SLC7A7: variants seen among roughly 807,000 people sequenced by gnomAD.
SLC7A7 encodes the protein solute carrier family 7 member 7, also known as Y+L amino acid transporter 1.
SLC7A7 carries 39 observed loss-of-function variants against 47.9 expected under a neutral mutation model. That is an observed-to-expected ratio of 0.81 (90% CI 0.63 to 1.06). The LOEUF is 1.06. Among genes scored for constraint, SLC7A7 ranks in the 50% least tolerant of loss-of-function variants. SLC7A7 has a pLI of 0.00. For synonymous variants in SLC7A7, 234 were observed against 242.8 expected (o/e 0.96, Z 0.34); for missense variants, 588 against 632.0 (o/e 0.93, Z 0.75).
Position 22,775,954 on chromosome 14 carries a change from A to G in SLC7A7, c.895-18T>C. 1 of 1,587,254 alleles carries G rather than the reference A, an allele frequency of 6.3e-7. No individual in the cohort carries two copies. Among genetic ancestry groups the G allele is most frequent in the Non-Finnish European group, 8.7e-7 (1 of 1,155,282 alleles). ...GCAAAAGTCTAAGGGAAAAGAATGG[A>G]AGAGTCATTAGCAGGATCTAAAAGG... On this transcript the variant is annotated intron_variant, in intron 5 of 9. Transcript: ENST00000674313.
intron 7 of SLC7A7, 54 bp downstream of exon 7, chr14:22,775,390 T>TTAA: frequency 7.3e-7 from 1 of 1,366,630 alleles, no homozygotes; most frequent in Non-Finnish European, 1.0e-6. Flanking sequence ...CTTCTGCTGT[T>TTAA]ACTAAAGTTT....
chr14:22,807,884 G>A (rs947813268), intron 2 of SLC7A7, among the ~76,000 whole-genome samples: 10 of 152,082 alleles, frequency 6.6e-5, no homozygotes, highest in African/African-American at 2.2e-4. Flanking sequence ...CATTTAGGTC[G>A]GGCGTGGTAG....
At chr14:22,775,312 A>G in intron 7 of SLC7A7, 132 bp downstream of exon 7, 1 of 821,408 alleles carries the variant, frequency 1.2e-6, no homozygotes, top group Non-Finnish European at 2.1e-6. Flanking sequence ...GCCCGTGGTG[A>G]ACATTCTGAT....
chr14:22,809,138 C>T (rs911723917), intron 2 of SLC7A7, among the ~76,000 whole-genome samples: 5 of 152,196 alleles, frequency 3.3e-5, no homozygotes, highest in Non-Finnish European at 5.9e-5. Flanking sequence ...GCTCTGCATA[C>T]GAACCATAAC....
Position 22,774,039 on chromosome 14 carries a change from G to A in SLC7A7, c.1323C>T (p.Ile441=), listed in dbSNP as rs1423641169. The change falls in exon 9 of 10, where the codon ATC becomes ATT. Residue 441 remains isoleucine (I), a synonymous_variant. Transcript: ENST00000674313. ...CAATGGCAATGCCGATGAGGGAGTT[G>A]ATAGTATCACTGTAAAGTGGAACAG... ...LVAVPLYSDT[I]NSLIGIAIAL... is the part of the protein sequence containing the mutation. 2 of 1,614,168 alleles carry A rather than the reference G, an allele frequency of 1.2e-6. No individual in the cohort carries two copies. Among genetic ancestry groups the A allele is most frequent in the South Asian group, 1.1e-5 (1 of 91,084 alleles).
At chr14:22,813,591 C>G (rs893549515) in intron 1 of SLC7A7, among the ~76,000 whole-genome samples, 151 bp from the exon 2 acceptor site, 7 of 152,132 alleles carry the variant, frequency 4.6e-5, no homozygotes, top group Non-Finnish European at 1.5e-5. Context: ...TCAAAACAAC[C>G]CCAACTTGAA....
At chr14:22,795,844 C>T (rs897469776) in intron 2 of SLC7A7, among the ~76,000 whole-genome samples, 3 of 152,194 alleles carry the variant, frequency 2.0e-5, no homozygotes, top group East Asian at 1.9e-4. Flanking sequence ...CAGCATCTTC[C>T]GCAACCTCCT....
Position 22,797,718 on chromosome 14 carries a change from A to C in SLC7A7, c.499+15182T>G, listed in dbSNP as rs143685023. 2.3e-3 allele frequency among the ~76,000 whole-genome samples: 349 copies of C among 152,298 alleles called. 1 individual carries two copies. The highest frequency in any genetic ancestry group is 7.9e-3 in the African/African-American group (328 of 41,552). ...GAGGGCAAAACGTTATTACCCTGAC[A>C]ATGAAATCAGCAATGAATGAAGTCA... On this transcript the variant is annotated intron_variant, in intron 2 of 9. Coordinates refer to ENST00000674313, the MANE Select transcript of SLC7A7 (RefSeq NM_003982.4).
chr14:22,776,840 G>A (rs1019979598), intron 4 of SLC7A7, among the ~76,000 whole-genome samples: 2 of 152,162 alleles, frequency 1.3e-5, no homozygotes, highest in African/African-American at 2.4e-5. Context: ...ATGGTGGCAT[G>A]CACCTGTAGT....
At chr14:22,792,140 ACT>A (rs1465106304) in intron 2 of SLC7A7, among the ~76,000 whole-genome samples, 1 of 151,448 alleles carries the variant, frequency 6.6e-6, no homozygotes, top group East Asian at 1.9e-4. Flanking sequence ...CGGCCTGGAA[ACT>A]CTCTACACCT....
At chr14:22,813,526 G>T in intron 1 of SLC7A7, 86 bp from the exon 2 acceptor site, 1 of 1,198,364 alleles carries the variant, frequency 8.3e-7, no homozygotes. Context: ...GGTAATACGG[G>T]CAGCTCACCA....
intron 4 of SLC7A7, among the ~76,000 whole-genome samples, chr14:22,776,605 G>A (rs1450493597): frequency 6.6e-6 from 1 of 152,192 alleles, no homozygotes; most frequent in Non-Finnish European, 1.5e-5. Context: ...GGCTGAGGCA[G>A]GGAGATGGCT....
intron 2 of SLC7A7, among the ~76,000 whole-genome samples, chr14:22,799,814 C>T (rs184723425): frequency 6.6e-6 from 1 of 152,002 alleles, no homozygotes; most frequent in Non-Finnish European, 1.5e-5. Context: ...TATCATCAGC[C>T]CAACTGTCAT....
chr14:22,806,109 A>G (rs2039199572), intron 2 of SLC7A7, among the ~76,000 whole-genome samples: 1 of 95,114 alleles, frequency 1.1e-5, no homozygotes, highest in Non-Finnish European at 2.1e-5. Flanking sequence ...ACATAGCGAG[A>G]CTCTGTCTCA....
intron 9 of SLC7A7, 23 bp downstream of exon 9, chr14:22,773,910 G>A (rs368996595): frequency 6.0e-5 from 97 of 1,613,386 alleles, no homozygotes; most frequent in African/African-American, 3.7e-4. Flanking sequence ...ATAGCTGAGC[G>A]GACTTAAGGA....
At chr14:22,800,756 C>T (rs189404377) in intron 2 of SLC7A7, among the ~76,000 whole-genome samples, 2 of 152,138 alleles carry the variant, frequency 1.3e-5, no homozygotes, top group South Asian at 2.1e-4. Context: ...CTGGCCAACA[C>T]GGTGAAACCC....
Position 22,773,422 on chromosome 14 carries a change from C to T in SLC7A7, c.*188G>A. 1 of 683,024 alleles carries T rather than the reference C, an allele frequency of 1.5e-6. No individual in the cohort carries two copies. Among genetic ancestry groups the T allele is most frequent in the Non-Finnish European group, 2.7e-6 (1 of 372,262 alleles). 42.3% of individuals were successfully genotyped at this position (683,024 alleles called of 1,614,324 possible). On this transcript the variant is annotated 3_prime_UTR_variant, in exon 10 of 10. Coordinates refer to ENST00000674313, the MANE Select transcript of SLC7A7 (RefSeq NM_003982.4). ...CACCTTCATTGTCCCCTTTAAAAGTCTGGAACAGTATGTAGCAAAACAAAT... is the reference window on the plus strand; with the variant it reads ...CACCTTCATTGTCCCCTTTAAAAGTTTGGAACAGTATGTAGCAAAACAAAT...
At chr14:22,804,298 C>A (rs535872856) in intron 2 of SLC7A7, among the ~76,000 whole-genome samples, 2 of 151,998 alleles carry the variant, frequency 1.3e-5, no homozygotes, top group Non-Finnish European at 2.9e-5. Context: ...GACATAGGCA[C>A]GGGCAAAGAT....
At chr14:22,809,516 C>A (rs777795513) in intron 2 of SLC7A7, among the ~76,000 whole-genome samples, 1 of 151,940 alleles carries the variant, frequency 6.6e-6, no homozygotes, top group Non-Finnish European at 1.5e-5. Context: ...AATTTTTTTG[C>A]GTTTTTCATA....
Sources: gnomAD v4.1 joint callset for allele counts (sites outside exome capture counted in the v4.1 genomes callset) on GRCh38, gnomAD v4.1.1 for gene constraint, MANE v1.5 for transcripts, NCBI Gene and HGNC (gene_info 2026-07-23, HGNC 2026-07-21) for gene names.